Variants in SDCCAG8 observed in about 807,000 individuals in gnomAD.
SDCCAG8 encodes SHH signaling and ciliogenesis regulator SDCCAG8.
A neutral mutation model predicts 101.8 loss-of-function variants in SDCCAG8; 74 were observed. The ratio of observed to expected loss-of-function variants is 0.73; its 90% confidence interval spans 0.60 to 0.88. The LOEUF (loss-of-function observed/expected upper bound fraction) is 0.88, where lower values mean the gene tolerates loss of function less well. Among genes scored for constraint, SDCCAG8 ranks in the 40% least tolerant of loss-of-function variants. SDCCAG8 has a pLI of 0.00. For synonymous variants in SDCCAG8, 281 were observed against 292.9 expected, an observed-to-expected ratio of 0.96 and a Z score of 0.41; for missense variants, 787 against 822.6, an observed-to-expected ratio of 0.96 and a Z score of 0.53.
chr1:243,291,095 G>A (rs930324521), intron 5 of SDCCAG8, among the ~76,000 whole-genome samples: 1 of 152,180 alleles, frequency 6.6e-6, no homozygotes, highest in African/African-American at 2.4e-5. Flanking sequence ...CCACGTTCGA[G>A]CATGATGCGA....
chr1:243,484,742 T>C (rs1664428149), intron 16 of SDCCAG8, among the ~76,000 whole-genome samples: 1 of 152,200 alleles, frequency 6.6e-6, no homozygotes, highest in Non-Finnish European at 1.5e-5. Context: ...CTTAAATCAG[T>C]ACTTGACCCT....
At chr1:243,280,507 A>G (rs1385221574) in intron 4 of SDCCAG8, among the ~76,000 whole-genome samples, 2 of 151,952 alleles carry the variant, frequency 1.3e-5, no homozygotes, top group Non-Finnish European at 2.9e-5. Context: ...TGGTTTTGCA[A>G]CTTCTAAAGT....
intron 13 of SDCCAG8, 32 bp downstream of exon 13, chr1:243,378,895 C>T: frequency 1.2e-6 from 2 of 1,613,784 alleles, no homozygotes; most frequent in Non-Finnish European, 1.7e-6. Context: ...CGCCATAGCA[C>T]CGATTTCATT....
At chr1:243,348,093 T>A (rs2075837866) in intron 12 of SDCCAG8, among the ~76,000 whole-genome samples, 1 of 146,214 alleles carries the variant, frequency 6.8e-6, no homozygotes, top group South Asian at 2.2e-4. Context: ...TGGAGTGCAG[T>A]GGCGCGATCT....
At chr1:243,475,482 A>G (rs1438237131) in intron 16 of SDCCAG8, among the ~76,000 whole-genome samples, 1 of 151,974 alleles carries the variant, frequency 6.6e-6, no homozygotes, top group Non-Finnish European at 1.5e-5. Context: ...AGGAAATCTT[A>G]ATGTGGGAAG....
At chr1:243,260,586 T>C (rs1467324570) in intron 1 of SDCCAG8, among the ~76,000 whole-genome samples, 1 of 152,166 alleles carries the variant, frequency 6.6e-6, no homozygotes, top group Non-Finnish European at 1.5e-5. Flanking sequence ...TTGCTAGAAA[T>C]GCAGTATTTT....
In SDCCAG8 at chr1:243,491,414, G is replaced by T. The variant is rs532873264; in HGVS notation, c.2112+2274G>T. 4.6e-5 allele frequency among the ~76,000 whole-genome samples: 7 copies of T among 152,328 alleles called. No individual in the cohort carries two copies. In the South Asian group the frequency reaches 1.4e-3, roughly 32 times the overall value. ...GGCTCATCTCTAAAGCGGCCTTTCA[G>T]ATTCAAATATTACACTTGGAGTTAT... is the stretch of plus-strand genomic sequence containing the variant. On this transcript the variant is annotated intron_variant, in intron 17 of 17. Coordinates refer to ENST00000366541, the MANE Select transcript of SDCCAG8 (RefSeq NM_006642.5).
At chr1:243,314,193 A>G (rs1299948074) in intron 8 of SDCCAG8, among the ~76,000 whole-genome samples, 1 of 152,216 alleles carries the variant, frequency 6.6e-6, no homozygotes, top group African/African-American at 2.4e-5. Context: ...GCTACCTTGA[A>G]GCATGCGTTG....
chr1:243,461,351 G>A (rs1009555253), intron 16 of SDCCAG8, among the ~76,000 whole-genome samples: 3 of 152,150 alleles, frequency 2.0e-5, no homozygotes, highest in Non-Finnish European at 4.4e-5. Context: ...GAGTACATTG[G>A]GTCACTCTGA....
At chr1:243,324,490 G>A (rs2074003153) in intron 9 of SDCCAG8, among the ~76,000 whole-genome samples, 1 of 115,338 alleles carries the variant, frequency 8.7e-6, no homozygotes, top group Non-Finnish European at 1.7e-5. Context: ...TCAGAGACAG[G>A]GCCTCACTCT....
At position 243,270,254 on chromosome 1, in the gene SDCCAG8, G is replaced by T; in HGVS notation, c.217G>T (p.Ala73Ser). Residue 73 changes from alanine to serine, a missense_variant, in exon 2 of 18, where the codon GCT becomes TCT. Coordinates refer to ENST00000366541, the MANE Select transcript of SDCCAG8 (RefSeq NM_006642.5). ...TAWPELQQSH[A>S]VNQLKDLLRQ... is the part of the protein sequence containing the mutation. ...CTGGCCCGAATTACAACAGAGCCATGCTGGTGAGTGTGAATGTCAATCCTA... is the reference window on the plus strand; with the variant it reads ...CTGGCCCGAATTACAACAGAGCCATTCTGGTGAGTGTGAATGTCAATCCTA... The T allele has an allele frequency of 6.2e-7, 1 of 1,614,044 alleles. No individual in the cohort carries two copies. The highest frequency in any genetic ancestry group is 1.1e-5 in the South Asian group (1 of 91,052).
At chr1:243,473,896 T>A (rs1661728932) in intron 16 of SDCCAG8, among the ~76,000 whole-genome samples, 1 of 93,118 alleles carries the variant, frequency 1.1e-5, no homozygotes, top group African/African-American at 4.3e-5. Context: ...TACAAATGAG[T>A]TTGGTTATTG....
rs376511560 is a variant in SDCCAG8, at chr1:243,483,574, C to G, written c.1986-5440C>G. 5.2e-4 allele frequency among the ~76,000 whole-genome samples: 78 copies of G among 150,952 alleles called. No individual in the cohort carries two copies. In the East Asian group the frequency reaches 0.01, roughly 20 times the overall value. Reference sequence around the variant, plus strand: ...GGCTCCCACCCTCCGCACCCCGTCTCGCGACCTCCCCGCCAGCCCAGCCCC... The same window carrying G: ...GGCTCCCACCCTCCGCACCCCGTCTGGCGACCTCCCCGCCAGCCCAGCCCC... On this transcript the variant is annotated intron_variant, in intron 16 of 17. Coordinates refer to ENST00000366541, the MANE Select transcript of SDCCAG8 (RefSeq NM_006642.5).
At chr1:243,381,417 C>T (rs1417605629) in intron 13 of SDCCAG8, among the ~76,000 whole-genome samples, 29 of 151,914 alleles carry the variant, frequency 1.9e-4, no homozygotes, top group Admixed American at 1.9e-3. Flanking sequence ...AATGAGACCC[C>T]ATCTCTACAA....
intron 10 of SDCCAG8, among the ~76,000 whole-genome samples, chr1:243,337,806 A>C (rs1427570303): frequency 3.3e-5 from 5 of 152,220 alleles, no homozygotes; most frequent in African/African-American, 1.2e-4. Flanking sequence ...AGACTTTTAT[A>C]TAAAGCCCAG....
chr1:243,418,371 A>C lies in SDCCAG8; in HGVS notation c.1853+295A>C, dbSNP rs549850265. 1.8e-4 allele frequency among the ~76,000 whole-genome samples: 27 copies of C among 152,342 alleles called. No individual in the cohort carries two copies. In the East Asian group the frequency reaches 3.5e-3, roughly 20 times the overall value. On this transcript the variant is annotated intron_variant, in intron 15 of 17. Transcript: ENST00000366541. ...TGGTAATAACATAAACATGCAGATA[A>C]ATCAAGCAGTTATAAAATCTTACAT... is the stretch of plus-strand genomic sequence containing the variant.
At chr1:243,439,964 G>A (rs1029380744) in intron 16 of SDCCAG8, among the ~76,000 whole-genome samples, 16 of 152,132 alleles carry the variant, frequency 1.1e-4, no homozygotes, top group Admixed American at 2.6e-4. Context: ...AGCTTCCCAG[G>A]TTGTAGCAAG....
chr1:243,286,080 A>G (rs1333964875), intron 4 of SDCCAG8, among the ~76,000 whole-genome samples, 192 bp from the exon 5 acceptor site: 2 of 152,204 alleles, frequency 1.3e-5, no homozygotes, highest in African/African-American at 4.8e-5. Flanking sequence ...CAGGCCCATT[A>G]CTATATACCC....
At chr1:243,409,812 A>G (rs1303111137) in intron 13 of SDCCAG8, among the ~76,000 whole-genome samples, 1 of 152,190 alleles carries the variant, frequency 6.6e-6, no homozygotes, top group Non-Finnish European at 1.5e-5. Flanking sequence ...AGAGAAGGGA[A>G]AGCTCTTTCT....
Sources: allele counts gnomAD v4.1 joint callset (sites outside exome capture counted in the v4.1 genomes callset), GRCh38; gene constraint gnomAD v4.1.1; transcripts MANE v1.5; gene names NCBI Gene and HGNC (gene_info 2026-07-23, HGNC 2026-07-21).